Variants in GPC5 observed in about 807,000 individuals in gnomAD.
The protein encoded by GPC5 is glypican-5.
A neutral mutation model predicts 53.9 loss-of-function variants in GPC5; 47 were observed. The observed-to-expected ratio is 0.87, with a 90% CI of 0.69 to 1.11. The LOEUF is 1.11. Ranked by LOEUF, GPC5 falls within the 50% of genes most tolerant of loss-of-function variation. GPC5 has a pLI of 0.00. For synonymous variants in GPC5, 286 were observed against 263.3 expected (o/e 1.09, Z -0.84); for missense variants, 748 against 713.1 (o/e 1.05, Z -0.56).
At chr13:91,956,479 G>C (rs2040074889) in intron 6 of GPC5, among the ~76,000 whole-genome samples, 1 of 152,076 alleles carries the variant, frequency 6.6e-6, no homozygotes, top group African/African-American at 2.4e-5. Flanking sequence ...CTACCTGCCT[G>C]GCCCACAGCT....
intron 7 of GPC5, among the ~76,000 whole-genome samples, chr13:92,233,463 AAATAAGCT>A (rs1358853910): frequency 6.6e-6 from 1 of 152,184 alleles, no homozygotes; most frequent in East Asian, 1.9e-4. Context: ...AAATAGGAAC[AAATAAGCT>A]GTTGGGGAGA....
At chr13:92,393,887 T>A (rs1004158748) in intron 7 of GPC5, among the ~76,000 whole-genome samples, 4 of 152,170 alleles carry the variant, frequency 2.6e-5, no homozygotes, top group African/African-American at 9.6e-5. Flanking sequence ...CTGTTTTTTA[T>A]TTCAGTTAAA....
At chr13:92,303,477 G>A (rs2043089187) in intron 7 of GPC5, among the ~76,000 whole-genome samples, 1 of 151,856 alleles carries the variant, frequency 6.6e-6, no homozygotes, top group Non-Finnish European at 1.5e-5. Flanking sequence ...AAAAAATGGT[G>A]GAAATAATAC....
chr13:91,402,997 T>C (rs957350663), intron 1 of GPC5, among the ~76,000 whole-genome samples: 1 of 152,234 alleles, frequency 6.6e-6, no homozygotes, highest in Non-Finnish European at 1.5e-5. Flanking sequence ...CTTCTGTCTG[T>C]AGGGAGGTAA....
intron 7 of GPC5, among the ~76,000 whole-genome samples, chr13:92,160,425 T>C (rs1489748313): frequency 1.3e-5 from 2 of 152,224 alleles, no homozygotes; most frequent in Non-Finnish European, 2.9e-5. Flanking sequence ...CAATTTTCTA[T>C]AGGTTTATAT....
At chr13:92,758,047 G>A (rs1165529973) in intron 7 of GPC5, among the ~76,000 whole-genome samples, 1 of 150,364 alleles carries the variant, frequency 6.7e-6, no homozygotes, top group Non-Finnish European at 1.5e-5. Flanking sequence ...GTTTATTGTG[G>A]CACTATTCAC....
At chr13:92,119,390 G>GTTTTTTTTTTT (rs386380215) in intron 6 of GPC5, among the ~76,000 whole-genome samples, 29 of 65,684 alleles carry the variant, frequency 4.4e-4, no homozygotes, top group East Asian at 1.4e-3. Context: ...TAGGATTTTA[G>GTTTTTTTTTTT]TTTTTTTTTT....
intron 7 of GPC5, among the ~76,000 whole-genome samples, chr13:92,805,857 G>C (rs997163877): frequency 6.6e-6 from 1 of 152,022 alleles, no homozygotes; most frequent in African/African-American, 2.4e-5. Flanking sequence ...AGCACTGGCA[G>C]AGTAAATTTA....
At chr13:92,420,340 C>T (rs994689725) in intron 7 of GPC5, among the ~76,000 whole-genome samples, 1 of 151,768 alleles carries the variant, frequency 6.6e-6, no homozygotes, top group South Asian at 2.1e-4. Context: ...TGGAAATTTT[C>T]TTTTTTTAAT....
intron 7 of GPC5, among the ~76,000 whole-genome samples, chr13:92,524,234 G>A (rs1309053116): frequency 6.6e-6 from 1 of 152,008 alleles, no homozygotes; most frequent in Non-Finnish European, 1.5e-5. Context: ...TAAGTTTATG[G>A]AATATTCTAA....
chr13:92,838,377 A>T (rs575663857), intron 7 of GPC5, among the ~76,000 whole-genome samples: 2 of 151,262 alleles, frequency 1.3e-5, no homozygotes, highest in Non-Finnish European at 2.9e-5. Flanking sequence ...CCAGCTACTC[A>T]GGAGGCTGAG....
chr13:92,166,857 A>C (rs2042031182), intron 7 of GPC5, among the ~76,000 whole-genome samples: 1 of 151,886 alleles, frequency 6.6e-6, no homozygotes, highest in Admixed American at 6.6e-5. Flanking sequence ...ATTAGAAATA[A>C]TAGCTTTGGT....
intron 6 of GPC5, among the ~76,000 whole-genome samples, chr13:91,975,832 T>A (rs955927081): frequency 3.3e-5 from 5 of 152,214 alleles, no homozygotes; most frequent in Admixed American, 3.3e-4. Context: ...ATATGTTTAT[T>A]GCGGCACTAT....
intron 5 of GPC5, among the ~76,000 whole-genome samples, chr13:91,881,570 A>C (rs2039263996): frequency 6.6e-6 from 1 of 152,128 alleles, no homozygotes; most frequent in African/African-American, 2.4e-5. Context: ...CTGAATGTGC[A>C]TTTAGACCTT....
rs919052820 is a variant in GPC5 at position 92,593,191 on chromosome 13, A to C, written c.1562-273091A>C. Among the ~76,000 whole-genome samples the C allele has an allele frequency of 6.0e-5, 9 of 150,982 alleles. No individual in the cohort carries two copies. In the East Asian group the frequency reaches 9.7e-4, roughly 16 times the overall value. ...TTTTGAACCATCTCTGTCTGTTGAA[A>C]ACTGACTGTAGAGAAAAAAAGGGAG... On this transcript the variant is annotated intron_variant, in intron 7 of 7. Coordinates refer to ENST00000377067, the MANE Select transcript of GPC5 (RefSeq NM_004466.6).
At chr13:91,927,858 T>C (rs141037845) in intron 6 of GPC5, among the ~76,000 whole-genome samples, 12 of 152,262 alleles carry the variant, frequency 7.9e-5, no homozygotes, top group African/African-American at 2.2e-4. Flanking sequence ...AATGGAGTCA[T>C]TGGGAAAATG....
At chr13:92,376,126 C>T (rs895326108) in intron 7 of GPC5, among the ~76,000 whole-genome samples, 1 of 152,172 alleles carries the variant, frequency 6.6e-6, no homozygotes, top group African/African-American at 2.4e-5. Flanking sequence ...GCCAGCCGGG[C>T]TCTGTCTATG....
intron 5 of GPC5, among the ~76,000 whole-genome samples, chr13:91,802,284 A>T (rs952736464): frequency 6.6e-6 from 1 of 152,020 alleles, no homozygotes; most frequent in Non-Finnish European, 1.5e-5. Flanking sequence ...TCAGGAGTGC[A>T]GACACAGACC....
chr13:92,483,435 C>A (rs867054983), intron 7 of GPC5, among the ~76,000 whole-genome samples: 1 of 152,080 alleles, frequency 6.6e-6, no homozygotes, highest in South Asian at 2.1e-4. Context: ...TACTGTAAAA[C>A]TACAGTGTAA....
Sources: allele counts gnomAD v4.1 joint callset (sites outside exome capture counted in the v4.1 genomes callset), GRCh38; gene constraint gnomAD v4.1.1; transcripts MANE v1.5; gene names NCBI Gene and HGNC (gene_info 2026-07-23, HGNC 2026-07-21).